Variants in FAM83B observed in about 807,000 individuals in gnomAD.
FAM83B encodes scaffolding CK1 anchoring protein B.
Under a neutral mutation model 38.8 loss-of-function variants are expected in FAM83B, and 26 were observed. The ratio of observed to expected loss-of-function variants is 0.67; its 90% CI spans 0.49 to 0.93. The LOEUF is 0.93. Ranked by LOEUF, FAM83B falls within the 40% of genes least tolerant of loss-of-function variation. The probability of loss-of-function intolerance (pLI) is 0.00; values close to 1 mark genes in which losing one functional copy is unlikely to be tolerated. For synonymous variants in FAM83B, 419 were observed against 423.1 expected (o/e 0.99, Z 0.12); for missense variants, 1,237 against 1,197.3 (o/e 1.03, Z -0.49).
At chr6:54,906,488 G>A (rs888717807) in intron 2 of FAM83B, among the ~76,000 whole-genome samples, 1 of 152,006 alleles carries the variant, frequency 6.6e-6, no homozygotes, top group Admixed American at 6.6e-5. Flanking sequence ...GAGTTCAAGC[G>A]ATTCTCCTGC....
intron 2 of FAM83B, among the ~76,000 whole-genome samples, chr6:54,906,892 G>A (rs144593742): frequency 6.6e-6 from 1 of 152,084 alleles, no homozygotes; most frequent in African/African-American, 2.4e-5. Flanking sequence ...AGATACAGCA[G>A]GTATTATACA....
chr6:54,899,223 C>A (rs74459200), intron 2 of FAM83B, among the ~76,000 whole-genome samples: 5,423 of 152,074 alleles, frequency 0.036, 309 homozygotes, highest in African/African-American at 0.12. Flanking sequence ...ATTGAAAAGG[C>A]TCTATTATTT....
intron 2 of FAM83B, among the ~76,000 whole-genome samples, chr6:54,900,860 G>C (rs1376908587): frequency 6.6e-6 from 1 of 152,188 alleles, no homozygotes; most frequent in Non-Finnish European, 1.5e-5. Context: ...GGAAATGTGG[G>C]CATAGAACCA....
chr6:54,936,688 A>G (rs1426550493), intron 4 of FAM83B, among the ~76,000 whole-genome samples: 2 of 150,400 alleles, frequency 1.3e-5, no homozygotes, highest in Non-Finnish European at 3.0e-5. Context: ...CCTTTTCCAT[A>G]TTTCTCCCTC....
chr6:54,898,619 G>C (rs1353638288), intron 2 of FAM83B, among the ~76,000 whole-genome samples: 6 of 152,090 alleles, frequency 3.9e-5, no homozygotes, highest in Non-Finnish European at 8.8e-5. Flanking sequence ...ACCATTTATA[G>C]CTTCTGACTA....
intron 2 of FAM83B, among the ~76,000 whole-genome samples, chr6:54,897,344 G>A (rs1772561001): frequency 6.6e-6 from 1 of 152,036 alleles, no homozygotes; most frequent in African/African-American, 2.4e-5. Flanking sequence ...AGTCTTGATT[G>A]CATTGTTATG....
rs1773669466 is a variant in FAM83B at position 54,940,951 on chromosome 6, T to C, written c.1980T>C (p.Leu660=). ...AGAATCAACAGACTGAGAATCTACT[T>C]AAAAGGCGAAGTTTCCCGTTATTTG... ...NLKNQQTENL[L]KRRSFPLFDN... Residue 660 remains leucine (L), a synonymous_variant, in exon 5 of 5, where the codon CTT becomes CTC. Transcript: ENST00000306858. 1 of 1,613,584 alleles carries C rather than the reference T, an allele frequency of 6.2e-7. No homozygotes were observed. The highest frequency in any genetic ancestry group is 1.7e-5 in the Admixed American group (1 of 59,876).
chr6:54,907,195 A>G (rs1274098325), intron 2 of FAM83B, among the ~76,000 whole-genome samples: 2 of 152,178 alleles, frequency 1.3e-5, no homozygotes, highest in African/African-American at 4.8e-5. Flanking sequence ...TTGTTTCTTT[A>G]GGATAGAAAA....
intron 2 of FAM83B, among the ~76,000 whole-genome samples, chr6:54,896,995 T>C (rs1772553663): frequency 6.6e-6 from 1 of 152,304 alleles, no homozygotes; most frequent in African/African-American, 2.4e-5. Context: ...TGCACAATAC[T>C]ATGAAAATAC....
intron 2 of FAM83B, among the ~76,000 whole-genome samples, chr6:54,925,405 T>TA (rs1375558592): frequency 6.6e-6 from 1 of 152,202 alleles, no homozygotes; most frequent in African/African-American, 2.4e-5. Flanking sequence ...AGGTGGTCAA[T>TA]AAATATGCCT....
intron 2 of FAM83B, among the ~76,000 whole-genome samples, chr6:54,883,335 T>C (rs1019997136): frequency 1.5e-3 from 211 of 136,878 alleles, no homozygotes; most frequent in Non-Finnish European, 2.8e-3. Context: ...TTTTTAAGTT[T>C]TTTTTTTTTT....
chr6:54,870,041 A>G, intron 1 of FAM83B, 146 bp from the exon 2 acceptor site: 2 of 526,146 alleles, frequency 3.8e-6, no homozygotes, highest in Admixed American at 6.4e-5. Context: ...GGTGCTATTA[A>G]TGTCATTTTG....
At chr6:54,918,820 T>C (rs1226834494) in intron 2 of FAM83B, among the ~76,000 whole-genome samples, 1 of 152,162 alleles carries the variant, frequency 6.6e-6, no homozygotes, top group Non-Finnish European at 1.5e-5. Flanking sequence ...TTGAACTAAA[T>C]ATGCTTTGGC....
chr6:54,883,036 C>G (rs186802253), intron 2 of FAM83B, among the ~76,000 whole-genome samples: 4 of 152,112 alleles, frequency 2.6e-5, no homozygotes, highest in African/African-American at 9.7e-5. Flanking sequence ...CTCCGCCTCC[C>G]GGGAGCTTCT....
intron 2 of FAM83B, among the ~76,000 whole-genome samples, chr6:54,901,491 A>G (rs1159232651): frequency 6.6e-6 from 1 of 152,220 alleles, no homozygotes; most frequent in African/African-American, 2.4e-5. Context: ...CACATCACAT[A>G]TTCCCTGAAA....
At chr6:54,857,552 T>A (rs1226101286) in intron 1 of FAM83B, among the ~76,000 whole-genome samples, 1 of 152,130 alleles carries the variant, frequency 6.6e-6, no homozygotes, top group Admixed American at 6.6e-5. Flanking sequence ...TATTTCTCCT[T>A]TATAATTATA....
chr6:54,919,719 A>G (rs1773128908), intron 2 of FAM83B, among the ~76,000 whole-genome samples: 1 of 152,028 alleles, frequency 6.6e-6, no homozygotes, highest in African/African-American at 2.4e-5. Context: ...CTCAGTTCTC[A>G]TGTTTTAATA....
intron 2 of FAM83B, among the ~76,000 whole-genome samples, chr6:54,912,212 A>G (rs1772926580): frequency 6.6e-6 from 1 of 152,002 alleles, no homozygotes; most frequent in Admixed American, 6.6e-5. Flanking sequence ...AAATAAAACA[A>G]TTTGGTTTAA....
chr6:54,857,309 G>A (rs546407132), intron 1 of FAM83B, among the ~76,000 whole-genome samples: 2 of 152,266 alleles, frequency 1.3e-5, no homozygotes, highest in African/African-American at 4.8e-5. Context: ...TCAGAGGTGG[G>A]ACAGGAGGGC....
Sources: allele counts gnomAD v4.1 joint callset (sites outside exome capture counted in the v4.1 genomes callset), GRCh38; gene constraint gnomAD v4.1.1; transcripts MANE v1.5; gene names NCBI Gene and HGNC (gene_info 2026-07-23, HGNC 2026-07-21).